ANO4: variants seen among roughly 807,000 people sequenced by gnomAD.
ANO4 encodes anoctamin-4.
ANO4 carries 69 observed loss-of-function variants against 141.9 expected under a neutral mutation model. The observed-to-expected ratio is 0.49, with a 90% CI of 0.40 to 0.59. ANO4 has a LOEUF of 0.59. Among genes scored for constraint, ANO4 ranks in the 20% least tolerant of loss-of-function variants. ANO4 has a pLI of 0.00. For synonymous variants in ANO4, 350 were observed against 394.3 expected (o/e 0.89, Z 1.33); for missense variants, 894 against 1,162.2 (o/e 0.77, Z 3.36).
chr12:100,849,432 C>T (rs948866585), intron 1 of ANO4, among the ~76,000 whole-genome samples: 2 of 152,198 alleles, frequency 1.3e-5, no homozygotes, highest in Non-Finnish European at 2.9e-5. Context: ...ATTTCTCCAA[C>T]CCAGAGGCAG....
At chr12:100,981,371 T>TATA (rs773765721) in intron 7 of ANO4, among the ~76,000 whole-genome samples, 4 of 151,884 alleles carry the variant, frequency 2.6e-5, no homozygotes, top group Non-Finnish European at 5.9e-5. Flanking sequence ...TGCTGTCTAT[T>TATA]ATCATTCCAA....
chr12:100,934,606 A>C (rs2136148933), intron 3 of ANO4, among the ~76,000 whole-genome samples: 1 of 152,100 alleles, frequency 6.6e-6, no homozygotes, highest in East Asian at 1.9e-4. Flanking sequence ...ACTTTAAAGT[A>C]GTTTTTTCCA....
At chr12:100,956,006 T>C (rs1199756386) in intron 5 of ANO4, among the ~76,000 whole-genome samples, 1 of 152,184 alleles carries the variant, frequency 6.6e-6, no homozygotes, top group Non-Finnish European at 1.5e-5. Flanking sequence ...ACTTTCACAT[T>C]ATATATGCTC....
chr12:101,049,380 A>G (rs7303210), intron 14 of ANO4, among the ~76,000 whole-genome samples: 22,624 of 152,070 alleles, frequency 0.15, 1,854 homozygotes, highest in Non-Finnish European at 0.17. Context: ...TTGAATTTCC[A>G]TGGCATTTTG....
intron 3 of ANO4, among the ~76,000 whole-genome samples, chr12:100,748,389 A>G (rs1185107612): frequency 6.6e-6 from 1 of 152,126 alleles, no homozygotes; most frequent in Non-Finnish European, 1.5e-5. Context: ...CCTTGTAGAG[A>G]AGCTGAGAGA....
intron 1 of ANO4, among the ~76,000 whole-genome samples, chr12:100,810,067 A>C (rs2035307725): frequency 6.6e-6 from 1 of 152,144 alleles, no homozygotes; most frequent in Non-Finnish European, 1.5e-5. Context: ...GAGCCTGATA[A>C]GGTGATATGT....
intron 9 of ANO4, among the ~76,000 whole-genome samples, chr12:101,023,429 G>A (rs2046612781): frequency 6.6e-6 from 1 of 152,156 alleles, no homozygotes; most frequent in Non-Finnish European, 1.5e-5. Context: ...CCAGAACTTT[G>A]GGAGGCTGAG....
intron 14 of ANO4, among the ~76,000 whole-genome samples, chr12:101,060,816 G>A (rs370674513): frequency 6.6e-5 from 10 of 152,176 alleles, no homozygotes; most frequent in African/African-American, 2.2e-4. Context: ...CAGATGGGTG[G>A]TCTTGACTCT....
rs377152862 is a variant in ANO4 at position 100,838,592 on chromosome 12, A to G, written c.-141+43565A>G. On this transcript the variant is annotated intron_variant, in intron 1 of 27. Transcript: ENST00000392977. ...ATGTGCTGTTGGGAATACATATGGT[A>G]AAAACAAAAGATAAAGAGACTGGCC... 7.2e-5 allele frequency among the ~76,000 whole-genome samples: 11 copies of G among 152,288 alleles called. No homozygotes were observed. In the East Asian group the frequency reaches 1.5e-3, roughly 21 times the overall value.
At chr12:100,926,926 G>C (rs2041899700) in intron 3 of ANO4, among the ~76,000 whole-genome samples, 1 of 152,098 alleles carries the variant, frequency 6.6e-6, no homozygotes, top group Non-Finnish European at 1.5e-5. Context: ...CACCTGAACT[G>C]TCAGTCACAC....
intron 8 of ANO4, among the ~76,000 whole-genome samples, chr12:101,014,886 G>A (rs182078789): frequency 2.6e-5 from 4 of 152,240 alleles, no homozygotes; most frequent in Admixed American, 2.0e-4. Context: ...CCAGACTGGA[G>A]TGTTGTGTTC....
intron 5 of ANO4, among the ~76,000 whole-genome samples, chr12:100,965,916 ATCC>A (rs1445834957): frequency 6.6e-6 from 1 of 152,004 alleles, no homozygotes; most frequent in African/African-American, 2.4e-5. Flanking sequence ...TAGATTGTAA[ATCC>A]TATCTACTGT....
intron 24 of ANO4, among the ~76,000 whole-genome samples, chr12:101,114,261 C>T (rs985343267): frequency 3.3e-5 from 5 of 152,192 alleles, no homozygotes; most frequent in African/African-American, 1.2e-4. Context: ...TTGATGACAA[C>T]TTTCACTATT....
chr12:100,845,580 CTT>C (rs1392774826), intron 1 of ANO4, among the ~76,000 whole-genome samples: 7 of 152,118 alleles, frequency 4.6e-5, no homozygotes, highest in African/African-American at 1.4e-4. Flanking sequence ...GCAATAGAGT[CTT>C]TTTATTGTCT....
chr12:100,772,997 G>A (rs946883968), intron 3 of ANO4, among the ~76,000 whole-genome samples: 2 of 152,126 alleles, frequency 1.3e-5, no homozygotes, highest in Admixed American at 6.5e-5. Flanking sequence ...ATTTGAGGTG[G>A]TCTTAGCCCA....
At chr12:100,762,806 T>G (rs974010437) in intron 3 of ANO4, among the ~76,000 whole-genome samples, 1 of 152,184 alleles carries the variant, frequency 6.6e-6, no homozygotes, top group Non-Finnish European at 1.5e-5. Flanking sequence ...CATGCATTAA[T>G]CCACTAGAAT....
intron 8 of ANO4, among the ~76,000 whole-genome samples, chr12:101,012,197 G>A (rs1321404020): frequency 6.6e-6 from 1 of 152,140 alleles, no homozygotes; most frequent in Non-Finnish European, 1.5e-5. Flanking sequence ...GCCTAGAGTA[G>A]AGCATGAGAC....
intron 3 of ANO4, among the ~76,000 whole-genome samples, chr12:100,923,988 GT>G (rs1181810761): frequency 1.3e-5 from 2 of 149,024 alleles, no homozygotes; most frequent in Non-Finnish European, 2.9e-5. Context: ...GGGGTTGTTT[GT>G]TTTTTTTCTT....
chr12:101,043,441 A>G, intron 12 of ANO4, 98 bp from the exon 13 acceptor site: 1 of 822,372 alleles, frequency 1.2e-6, no homozygotes. Context: ...GCAAACATTT[A>G]ACCTACTGGA....
Sources: allele counts gnomAD v4.1 joint callset (sites outside exome capture counted in the v4.1 genomes callset), GRCh38; gene constraint gnomAD v4.1.1; transcripts MANE v1.5; gene names NCBI Gene and HGNC (gene_info 2026-07-23, HGNC 2026-07-21).